The following MYO3A variants were observed in gnomAD, a reference collection of about 807,000 sequenced individuals.
MYO3A encodes the protein myosin IIIA, also known as myosin-IIIa.
MYO3A carries 180 observed loss-of-function variants against 192.7 expected under a neutral mutation model. The ratio of observed to expected loss-of-function variants is 0.93; its 90% confidence interval spans 0.83 to 1.06. The LOEUF (loss-of-function observed/expected upper bound fraction) is 1.06. MYO3A is among the 50% of genes least tolerant of loss of function. MYO3A has a pLI of 0.00. For missense variants in MYO3A, 1,896 were observed against 1,905.0 expected (o/e 1.00, Z 0.09); for synonymous variants, 628 against 645.3 (o/e 0.97, Z 0.41).
chr10:26,212,249 CCTAAT>C lies in MYO3A; in HGVS notation c.*290_*294del, dbSNP rs901558915. The C allele has an allele frequency of 2.1e-5, 10 of 476,662 alleles. No homozygotes were observed. Among genetic ancestry groups the C allele is most frequent in the Non-Finnish European group, 3.3e-5 (9 of 269,546 alleles). The allele number at this position is 476,662 out of a possible 1,614,324, so 29.5% of individuals were successfully genotyped here. A position where few individuals can be genotyped will look rare whatever the true frequency, so the allele number is the denominator to read the frequency against. On this transcript the variant is annotated 3_prime_UTR_variant, in exon 35 of 35. Coordinates refer to ENST00000642920, the MANE Select transcript of MYO3A (RefSeq NM_017433.5). The stretch of plus-strand genomic sequence containing the variant: ...GTTGTGGCAACCCTGTCCTTGTTCC[CCTAAT>C]CTATCACTTTGTTCTTTTTTTTTGT...
intron 2 of MYO3A, among the ~76,000 whole-genome samples, chr10:25,948,087 C>T (rs964168612): frequency 3.9e-5 from 6 of 151,990 alleles, no homozygotes; most frequent in African/African-American, 1.4e-4. Flanking sequence ...GAGGTGATGG[C>T]TGATGTAAGA....
rs553375687 is a variant in MYO3A at position 26,209,214 on chromosome 10, G to T, written c.4731-2629G>T. Among the ~76,000 whole-genome samples the T allele has an allele frequency of 1.1e-4, 17 of 152,260 alleles. 1 individual carries two copies. The South Asian group carries it at 3.5e-3, about 32-fold the overall frequency. ...ACCTTTCCACCCTCCTAGCTAAAGT[G>T]AAACCTTCCCTTTGTGCACTAAATC... On this transcript the variant is annotated intron_variant, in intron 34 of 34. Transcript: ENST00000642920.
At chr10:26,003,573 T>C (rs570151828) in intron 6 of MYO3A, among the ~76,000 whole-genome samples, 1 of 152,292 alleles carries the variant, frequency 6.6e-6, no homozygotes, top group Admixed American at 6.5e-5. Flanking sequence ...TTATAAATAT[T>C]ATTAATGAAA....
chr10:26,002,272 G>T (rs1364208641), intron 6 of MYO3A, among the ~76,000 whole-genome samples: 2 of 152,132 alleles, frequency 1.3e-5, no homozygotes, highest in African/African-American at 4.8e-5. Context: ...TAAAGTTTCA[G>T]TACCACAAAA....
At chr10:25,934,525 G>C (rs949321207) in intron 1 of MYO3A, among the ~76,000 whole-genome samples, 197 bp downstream of exon 1, 1 of 152,116 alleles carries the variant, frequency 6.6e-6, no homozygotes, top group African/African-American at 2.4e-5. Flanking sequence ...TCGGGGCCTG[G>C]GGTGAGAGAG....
rs1044356162 is a variant in MYO3A at position 26,165,895 on chromosome 10, A to C, written c.3000-172A>C. 3 of 705,292 alleles carry C rather than the reference A, an allele frequency of 4.3e-6. No homozygotes were observed. In the African/African-American group the frequency reaches 5.3e-5, roughly 12 times the overall value. The allele number at this position is 705,292 out of a possible 1,614,324, so 43.7% of individuals were successfully genotyped here. A position where few individuals can be genotyped will look rare whatever the true frequency, so the allele number is the denominator to read the frequency against. On this transcript the variant is annotated intron_variant, in intron 26 of 34. Coordinates refer to ENST00000642920, the MANE Select transcript of MYO3A (RefSeq NM_017433.5). ...ATACAGACTGGACTGGGTTTCCATC[A>C]GTTTGGAATTTGGTCTACTCCGAAG...
intron 10 of MYO3A, among the ~76,000 whole-genome samples, chr10:26,055,037 A>G (rs1262188913): frequency 1.3e-5 from 2 of 152,212 alleles, no homozygotes; most frequent in Non-Finnish European, 2.9e-5. Flanking sequence ...TGCTGCACCA[A>G]TCAAGCACCT....
intron 10 of MYO3A, among the ~76,000 whole-genome samples, chr10:26,040,650 G>A (rs1032861565): frequency 8.5e-5 from 13 of 152,176 alleles, no homozygotes; most frequent in Non-Finnish European, 1.8e-4. Context: ...CCACTAGCAA[G>A]TATTCTTGGG....
At chr10:26,183,036 A>G (rs950419508) in intron 31 of MYO3A, among the ~76,000 whole-genome samples, 1 of 152,208 alleles carries the variant, frequency 6.6e-6, no homozygotes, top group Non-Finnish European at 1.5e-5. Flanking sequence ...ATGCGAGATG[A>G]CAGCCCAAGG....
intron 3 of MYO3A, among the ~76,000 whole-genome samples, 192 bp downstream of exon 3, chr10:25,952,470 C>A (rs1344244374): frequency 6.6e-6 from 1 of 152,092 alleles, no homozygotes; most frequent in South Asian, 2.1e-4. Context: ...TAATAAGGCA[C>A]AATAAGTACT....
chr10:25,967,217 G>A (rs1352202818), intron 4 of MYO3A, among the ~76,000 whole-genome samples: 2 of 152,210 alleles, frequency 1.3e-5, no homozygotes, highest in African/African-American at 4.8e-5. Context: ...TGTAGAGTGT[G>A]ACTTCAGGCA....
At chr10:26,066,935 A>G (rs946349488) in intron 10 of MYO3A, 40 bp from the exon 11 acceptor site, 10 of 1,407,614 alleles carry the variant, frequency 7.1e-6, no homozygotes, top group East Asian at 4.5e-5. Flanking sequence ...CACTATGAGC[A>G]GTAATCAATT....
chr10:25,958,932 T>C (rs529505286), intron 4 of MYO3A, among the ~76,000 whole-genome samples: 24 of 152,090 alleles, frequency 1.6e-4, no homozygotes, highest in Non-Finnish European at 2.9e-4. Context: ...TTGTGGCAAT[T>C]TTAAGTGGGA....
chr10:26,007,964 A>G (rs7922100), intron 6 of MYO3A, among the ~76,000 whole-genome samples: 90,946 of 150,672 alleles, frequency 0.6, 27,862 homozygotes, highest in Middle Eastern at 0.74. Context: ...AAGGCATCAC[A>G]CTACCTGACT....
chr10:26,071,900 T>C (rs1452256033), intron 14 of MYO3A, among the ~76,000 whole-genome samples: 2 of 152,180 alleles, frequency 1.3e-5, no homozygotes, highest in Admixed American at 6.5e-5. Flanking sequence ...TGTGTATTAC[T>C]CCATTCTCAC....
intron 10 of MYO3A, among the ~76,000 whole-genome samples, chr10:26,030,340 G>A (rs775860470): frequency 2.0e-5 from 3 of 151,994 alleles, no homozygotes; most frequent in Non-Finnish European, 4.4e-5. Context: ...TTTTTAATGT[G>A]TAAGAAATAT....
At chr10:25,943,942 A>G (rs779622628) in intron 2 of MYO3A, among the ~76,000 whole-genome samples, 1 of 152,062 alleles carries the variant, frequency 6.6e-6, no homozygotes, top group Non-Finnish European at 1.5e-5. Flanking sequence ...ACTATGTTGA[A>G]TAGAAATGGT....
intron 17 of MYO3A, among the ~76,000 whole-genome samples, chr10:26,109,634 A>C (rs1838038941): frequency 6.6e-6 from 1 of 152,204 alleles, no homozygotes. Flanking sequence ...GACTACTATA[A>C]TCTGGTGTGT....
At chr10:25,957,811 T>C (rs896812358) in intron 4 of MYO3A, among the ~76,000 whole-genome samples, 2 of 152,198 alleles carry the variant, frequency 1.3e-5, no homozygotes, top group Non-Finnish European at 2.9e-5. Context: ...CGGTATCTCA[T>C]TGTGTTTTGA....
Sources: allele counts gnomAD v4.1 joint callset (sites outside exome capture counted in the v4.1 genomes callset), GRCh38; gene constraint gnomAD v4.1.1; transcripts MANE v1.5; gene names NCBI Gene and HGNC (gene_info 2026-07-23, HGNC 2026-07-21).